The following SETD5 variants were observed in gnomAD, a reference collection of about 807,000 sequenced individuals.
SETD5 encodes the protein SET domain containing 5.
In SETD5, 44 loss-of-function variants were observed where a neutral mutation model predicts 153.3. The ratio of observed to expected loss-of-function variants is 0.29; its 90% CI spans 0.23 to 0.37. The LOEUF is 0.37. SETD5 is among the 10% of genes least tolerant of loss of function. SETD5 has a pLI of 1.00. For synonymous variants in SETD5, 716 were observed against 645.2 expected, an observed-to-expected ratio of 1.11 and a Z score of -1.66; for missense variants, 1,544 against 1,768.0, an observed-to-expected ratio of 0.87 and a Z score of 2.27.
intron 1 of SETD5, among the ~76,000 whole-genome samples, chr3:9,405,947 A>T (rs1231202746): frequency 2.0e-5 from 3 of 152,182 alleles, no homozygotes; most frequent in African/African-American, 7.2e-5. Context: ...AGTTTCTGTG[A>T]AGTAGGATGA....
In SETD5 at chr3:9,433,434, G is replaced by C. The variant is rs374951113; in HGVS notation, c.72-411G>C. ...CCTGGGGCAGTGCAGAAGGCACTTT[G>C]ATCATCTCACTCACTGCAAATGTCA... On this transcript the variant is annotated intron_variant, in intron 3 of 22. Transcript: ENST00000402198. 1,112 of 1,289,928 alleles carry C rather than the reference G, an allele frequency of 8.6e-4. 23 individuals carry two copies. In the East Asian group the frequency reaches 0.023, roughly 26 times the overall value. 79.9% of individuals were successfully genotyped at this position (1,289,928 alleles called of 1,614,324 possible).
chr3:9,464,098 A>C (rs1447805204), intron 17 of SETD5, among the ~76,000 whole-genome samples: 1 of 152,238 alleles, frequency 6.6e-6, no homozygotes, highest in Non-Finnish European at 1.5e-5. Flanking sequence ...ATTGCACTCC[A>C]GCCTTAGCGA....
intron 6 of SETD5, among the ~76,000 whole-genome samples, 152 bp from the exon 7 acceptor site, chr3:9,435,572 TAAGG>T (rs1048572320): frequency 6.6e-6 from 1 of 152,232 alleles, no homozygotes; most frequent in African/African-American, 2.4e-5. Flanking sequence ...CTTGTTTTCT[TAAGG>T]AAGATGAGTA....
At position 9,475,977 on chromosome 3, in the gene SETD5, A is replaced by G. The variant is rs183053371; in HGVS notation, c.4215A>G (p.Val1405=). ...CAGCTGTCTACCAGGCCTCCAGGGTATCTGCGGTTTCCAATTCACAGCACT... is the reference window on the plus strand; with the variant it reads ...CAGCTGTCTACCAGGCCTCCAGGGTGTCTGCGGTTTCCAATTCACAGCACT... ...GQSAVYQASR[V]SAVSNSQHYP... Residue 1405 remains valine, a synonymous_variant, in exon 23 of 23, where the codon GTA becomes GTG. Transcript: ENST00000402198. 28 of 1,613,980 alleles carry G rather than the reference A, an allele frequency of 1.7e-5. No individual in the cohort carries two copies. The East Asian group carries it at 3.6e-4, about 21-fold the overall frequency.
intron 16 of SETD5, among the ~76,000 whole-genome samples, chr3:9,450,175 G>C (rs2042456259): frequency 6.6e-6 from 1 of 152,054 alleles, no homozygotes; most frequent in African/African-American, 2.4e-5. Flanking sequence ...TTTTAACTTG[G>C]TTCTGCTTTT....
intron 19 of SETD5, 139 bp downstream of exon 19, chr3:9,471,068 A>G: frequency 1.7e-6 from 1 of 604,472 alleles, no homozygotes; most frequent in Non-Finnish European, 2.9e-6. Context: ...CCAGTGAAAG[A>G]CAGGCTGTTT....
chr3:9,402,406 T>C (rs1332601099), intron 1 of SETD5, among the ~76,000 whole-genome samples: 2 of 152,144 alleles, frequency 1.3e-5, no homozygotes, highest in African/African-American at 2.4e-5. Flanking sequence ...TACCATCATA[T>C]TGATTTTGTT....
intron 17 of SETD5, among the ~76,000 whole-genome samples, chr3:9,455,941 A>G (rs934009275): frequency 2.0e-5 from 3 of 152,216 alleles, no homozygotes; most frequent in Non-Finnish European, 2.9e-5. Flanking sequence ...TTGCCCTTAA[A>G]AAGCAATGTA....
intron 2 of SETD5, among the ~76,000 whole-genome samples, chr3:9,427,621 A>G (rs1008827185): frequency 6.6e-6 from 1 of 152,148 alleles, no homozygotes; most frequent in Admixed American, 6.5e-5. Flanking sequence ...TCATTCCTTT[A>G]GTTTTTTTAG....
chr3:9,469,572 A>T (rs2045053083), intron 18 of SETD5, among the ~76,000 whole-genome samples: 1 of 152,196 alleles, frequency 6.6e-6, no homozygotes, highest in South Asian at 2.1e-4. Flanking sequence ...TTTTGACTCT[A>T]GCTTGTTAGG....
At chr3:9,448,098 T>G in intron 15 of SETD5, 92 bp downstream of exon 15, 1 of 1,322,860 alleles carries the variant, frequency 7.6e-7, no homozygotes, top group South Asian at 1.5e-5. Flanking sequence ...GAAACTAATC[T>G]CAATATTACT....
chr3:9,444,945 A>C, intron 11 of SETD5, 103 bp from the exon 12 acceptor site: 1 of 1,422,360 alleles, frequency 7.0e-7, no homozygotes, highest in Non-Finnish European at 9.5e-7. Flanking sequence ...CAGAGACAAT[A>C]TCAGAGGAAG....
chr3:9,454,726 T>C (rs2125370189), intron 17 of SETD5, among the ~76,000 whole-genome samples: 1 of 152,008 alleles, frequency 6.6e-6, no homozygotes, highest in South Asian at 2.1e-4. Flanking sequence ...AATCATCTGT[T>C]CCATTGGTTT....
intron 18 of SETD5, among the ~76,000 whole-genome samples, chr3:9,467,880 A>C (rs1433884707): frequency 6.6e-6 from 1 of 151,974 alleles, no homozygotes; most frequent in Admixed American, 6.6e-5. Context: ...ATTTTACAAA[A>C]TAACATTAAT....
chr3:9,448,834 A>G (rs141161120), intron 16 of SETD5, among the ~76,000 whole-genome samples: 73 of 152,292 alleles, frequency 4.8e-4, no homozygotes, highest in East Asian at 2.3e-3. Flanking sequence ...AATGTACTGC[A>G]TTTTTAGTGC....
intron 3 of SETD5, chr3:9,431,278 C>T (rs530049677): frequency 5.1e-6 from 5 of 985,330 alleles, no homozygotes; most frequent in East Asian, 1.1e-4. Flanking sequence ...GGCATGATAG[C>T]AGCTGGGTTG....
chr3:9,475,122 C>T lies in SETD5; in HGVS notation c.3686C>T (p.Ala1229Val). ...ETLSSALSKG[A>V]TVYSPSRYSY... ...TTAAGCTCAGCACTCTCTAAAGGAG[C>T]AACAGTTTACAGCCCTTCCAGATAC... The change falls in exon 22 of 23, where the codon GCA becomes GTA. Residue 1229 changes from alanine to valine, a missense_variant. This residue lies in a region of SETD5 where 302 missense variants were observed against 277.6 expected (regional missense o/e 1.09). Transcript: ENST00000402198. 2 of 1,591,220 alleles carry T rather than the reference C, an allele frequency of 1.3e-6. No individual in the cohort carries two copies. The highest frequency in any genetic ancestry group is 1.7e-6 in the Non-Finnish European group (2 of 1,168,904).
At chr3:9,416,012 A>G (rs1227312772) in intron 1 of SETD5, among the ~76,000 whole-genome samples, 1 of 151,958 alleles carries the variant, frequency 6.6e-6, no homozygotes, top group East Asian at 1.9e-4. Flanking sequence ...AGCTGGGACT[A>G]TAGGTGTGCA....
chr3:9,431,453 A>G, intron 3 of SETD5: 10 of 954,014 alleles, frequency 1.0e-5, no homozygotes, highest in Non-Finnish European at 1.1e-5. Flanking sequence ...TTTAATTCAT[A>G]TTTTAAAATA....
Sources: allele counts gnomAD v4.1 joint callset (sites outside exome capture counted in the v4.1 genomes callset), GRCh38; gene constraint gnomAD v4.1.1; regional missense constraint gnomAD v4.1.1; transcripts MANE v1.5; gene names NCBI Gene and HGNC (gene_info 2026-07-23, HGNC 2026-07-21).